The following NFIA variants were observed in gnomAD, a reference collection of about 807,000 sequenced individuals.
NFIA encodes nuclear factor I A, also known as nuclear factor 1 A-type.
A neutral mutation model predicts 62.8 loss-of-function variants in NFIA; 8 were observed. The ratio of observed to expected loss-of-function variants is 0.13; its 90% CI spans 0.07 to 0.23. NFIA has a LOEUF of 0.23. NFIA is among the 10% of genes least tolerant of loss of function. The pLI is 1.00. For missense variants in NFIA, 410 were observed against 642.1 expected (o/e 0.64, Z 3.91); for synonymous variants, 235 against 238.1 (o/e 0.99, Z 0.12).
In NFIA at chr1:61,088,081, C is replaced by T. The variant is rs538772077; in HGVS notation, c.28-68C>T. On this transcript the variant is annotated intron_variant, in intron 1 of 10. Coordinates refer to ENST00000403491, the MANE Select transcript of NFIA (RefSeq NM_001134673.4). This position sits in a 1 kb window ranked among gnomAD's most constrained non-coding sequence, Gnocchi z 4.5. ...GAGGAATTTCTTTCTTAAGGTGACC[C>T]GCTGAAGAAAAGTTGTTTTCTTTTG... 26 of 1,446,644 alleles carry T rather than the reference C, an allele frequency of 1.8e-5. No individual in the cohort carries two copies. In the South Asian group the frequency reaches 2.4e-4, roughly 13 times the overall value. The allele number at this position is 1,446,644 out of a possible 1,614,324, so 89.6% of individuals were successfully genotyped here.
intron 2 of NFIA, among the ~76,000 whole-genome samples, chr1:61,116,311 T>C (rs1180396536): frequency 6.6e-6 from 1 of 152,216 alleles, no homozygotes; most frequent in African/African-American, 2.4e-5. Flanking sequence ...CCACTTCCAG[T>C]ACTGCTATAA....
intron 4 of NFIA, among the ~76,000 whole-genome samples, chr1:61,333,139 A>G (rs536134591): frequency 1.1e-3 from 174 of 152,232 alleles, no homozygotes; most frequent in Non-Finnish European, 1.9e-3. Context: ...ATTTAAAAGC[A>G]CAAATACAAT....
intron 1 of NFIA, among the ~76,000 whole-genome samples, 175 bp downstream of exon 1, chr1:61,082,993 G>T (rs1646143370): frequency 6.8e-6 from 1 of 146,206 alleles, no homozygotes; most frequent in East Asian, 2.1e-4. Flanking sequence ...CGCGGGTGGG[G>T]GGGGGGATCC....
intron 2 of NFIA, among the ~76,000 whole-genome samples, chr1:61,176,172 C>T (rs1335317367): frequency 6.6e-6 from 1 of 152,212 alleles, no homozygotes; most frequent in Non-Finnish European, 1.5e-5. Flanking sequence ...GGAAAGCCTG[C>T]AGCTAACTGC....
chr1:61,213,132 C>A (rs1270261992), intron 2 of NFIA, among the ~76,000 whole-genome samples: 3 of 152,154 alleles, frequency 2.0e-5, no homozygotes, highest in African/African-American at 7.2e-5. Flanking sequence ...ACCCCGAGGG[C>A]AACAATAATG....
chr1:61,209,875 A>G (rs1198682560), intron 2 of NFIA, among the ~76,000 whole-genome samples: 2 of 152,164 alleles, frequency 1.3e-5, no homozygotes, highest in African/African-American at 4.8e-5. Flanking sequence ...AAAAAGTAAT[A>G]TGGGATTATT....
At chr1:61,397,753 A>G (rs1209161611) in intron 7 of NFIA, among the ~76,000 whole-genome samples, 1 of 152,232 alleles carries the variant, frequency 6.6e-6, no homozygotes, top group East Asian at 1.9e-4. Context: ...ATTTAAACTC[A>G]TGTCTATCTG....
chr1:61,134,704 T>C (rs1176548495), intron 2 of NFIA, among the ~76,000 whole-genome samples: 4 of 152,328 alleles, frequency 2.6e-5, no homozygotes, highest in Admixed American at 1.3e-4. Context: ...TAATTTACTT[T>C]TTAGGCTGGA....
intron 7 of NFIA, among the ~76,000 whole-genome samples, chr1:61,393,640 C>T (rs1322666925): frequency 1.3e-5 from 2 of 152,050 alleles, no homozygotes; most frequent in Non-Finnish European, 2.9e-5. Context: ...ATGGAGTCAG[C>T]GGGTTAAGTC....
chr1:61,397,937 A>G (rs1168422378), intron 7 of NFIA, among the ~76,000 whole-genome samples: 2 of 152,242 alleles, frequency 1.3e-5, no homozygotes, highest in Non-Finnish European at 2.9e-5. Context: ...ATGAGATATC[A>G]AAGGTGACCA....
In NFIA at chr1:61,306,269, C is replaced by CTTTTTTTTTTTTTTTTTTT. The variant is rs774297484; in HGVS notation, c.626-26236_626-26218dup. On this transcript the variant is annotated intron_variant, in intron 3 of 10. Transcript: ENST00000403491. ...TCATCCTGGAGACCCAGATTTTGTT[C>CTTTTTTTTTTTTTTTTTTT]TTTTTTTTTTTTTTTTTTTTTTTTT... Among the ~76,000 whole-genome samples, 18 of 60,626 alleles carry CTTTTTTTTTTTTTTTTTTT rather than the reference C, an allele frequency of 3.0e-4. 5 individuals are homozygous for CTTTTTTTTTTTTTTTTTTT. The highest frequency in any genetic ancestry group is 3.5e-4 in the Non-Finnish European group (13 of 37,348). The allele number at this position is 60,626 out of a possible 152,430, so 39.8% of individuals were successfully genotyped here.
At chr1:61,404,359 C>A in intron 8 of NFIA, 77 bp downstream of exon 8, 1 of 1,383,486 alleles carries the variant, frequency 7.2e-7, no homozygotes, top group Non-Finnish European at 9.7e-7. Context: ...ACCTTATGAT[C>A]ATGTGACGTT....
intron 2 of NFIA, among the ~76,000 whole-genome samples, chr1:61,212,068 G>A (rs1006317414): frequency 1.4e-4 from 21 of 152,162 alleles, no homozygotes; most frequent in African/African-American, 5.1e-4. Context: ...AAATTGGGTT[G>A]TTGGATTTGT....
At chr1:61,341,343 A>G (rs113362147) in intron 4 of NFIA, among the ~76,000 whole-genome samples, 9,077 of 151,986 alleles carry the variant, frequency 0.06, 875 homozygotes, top group African/African-American at 0.2. Flanking sequence ...GAGCCACTGC[A>G]CCTGGCCCAT....
chr1:61,447,087 T>C (rs1667843752), intron 10 of NFIA, among the ~76,000 whole-genome samples: 1 of 152,174 alleles, frequency 6.6e-6, no homozygotes, highest in South Asian at 2.1e-4. Flanking sequence ...CAGGAAGTCA[T>C]ATTCCCTTCC....
chr1:61,163,715 C>G (rs1570294438), intron 2 of NFIA, among the ~76,000 whole-genome samples: 1 of 152,172 alleles, frequency 6.6e-6, no homozygotes. Context: ...TTCTAACTAG[C>G]AAAACAGAAA....
chr1:61,134,990 A>T (rs1647155520), intron 2 of NFIA, among the ~76,000 whole-genome samples: 1 of 152,230 alleles, frequency 6.6e-6, no homozygotes, highest in African/African-American at 2.4e-5. Context: ...CGTCATTAGG[A>T]CAATTACTTT....
At chr1:61,369,838 A>G (rs1177410775) in intron 6 of NFIA, among the ~76,000 whole-genome samples, 1 of 152,166 alleles carries the variant, frequency 6.6e-6, no homozygotes, top group Non-Finnish European at 1.5e-5. Flanking sequence ...TAAAAAAGTG[A>G]TACCACTAAT....
intron 4 of NFIA, among the ~76,000 whole-genome samples, chr1:61,338,430 C>A (rs1174815731): frequency 6.6e-6 from 1 of 152,178 alleles, no homozygotes; most frequent in Non-Finnish European, 1.5e-5. Context: ...TAGAAATGTG[C>A]GCTCTTTCTA....
Sources: gnomAD v4.1 joint callset for allele counts (sites outside exome capture counted in the v4.1 genomes callset) on GRCh38, gnomAD v4.1.1 for gene constraint, Gnocchi (gnomAD v3.1) non-coding constraint, MANE v1.5 for transcripts, NCBI Gene and HGNC (gene_info 2026-07-23, HGNC 2026-07-21) for gene names.